SCOC: variants seen among roughly 807,000 people sequenced by gnomAD.
SCOC encodes the protein short coiled-coil protein, also known as short coiled coil protein.
A neutral mutation model predicts 9.9 loss-of-function variants in SCOC; 7 were observed. The ratio of observed to expected loss-of-function variants is 0.71; its 90% CI spans 0.40 to 1.33. The LOEUF (loss-of-function observed/expected upper bound fraction) is 1.33, where lower values mean the gene tolerates loss of function less well. Among genes scored for constraint, SCOC ranks in the 40% most tolerant of loss-of-function variants. SCOC has a pLI of 0.01. For synonymous variants in SCOC, 19 were observed against 28.2 expected (o/e 0.67, Z 1.03); for missense variants, 66 against 89.7 (o/e 0.74, Z 1.07).
chr4:140,374,098 G>T, intron 1 of SCOC: 1 of 475,290 alleles, frequency 2.1e-6, no homozygotes, highest in Non-Finnish European at 4.2e-6. Context: ...GGCACGCCTG[G>T]ACCTTCCCGT....
upstream of SCOC, among the ~76,000 whole-genome samples, chr4:140,368,669 T>C (rs1727906623): frequency 6.6e-6 from 1 of 152,042 alleles, no homozygotes; most frequent in Non-Finnish European, 1.5e-5. Flanking sequence ...GAAAAGTGGG[T>C]TGGAGAGGTA....
chr4:140,338,061 C>T (rs1216245979), intron 1 of SCOC, among the ~76,000 whole-genome samples: 1 of 152,166 alleles, frequency 6.6e-6, no homozygotes, highest in Non-Finnish European at 1.5e-5. Flanking sequence ...AAAATACTGC[C>T]AAACTGAATC....
At position 140,343,953 on chromosome 4, in the gene SCOC, T is replaced by C. The variant is rs200998389; in HGVS notation, c.70+245T>C. ...CTTTTTAAAATAAATAAAAACAAAA[T>C]ATTTCCTAAAAGTTCAGGAAACATG... On this transcript the variant is annotated intron_variant, in intron 2 of 4. Transcript: ENST00000338517. Among the ~76,000 whole-genome samples, 4 of 148,172 alleles carry C rather than the reference T, an allele frequency of 2.7e-5. No homozygotes were observed. The South Asian group carries it at 8.6e-4, about 32-fold the overall frequency.
intron 1 of SCOC, among the ~76,000 whole-genome samples, chr4:140,378,790 C>T (rs1163594025): frequency 1.3e-5 from 2 of 152,026 alleles, no homozygotes; most frequent in Non-Finnish European, 1.5e-5. Context: ...TATTATCATA[C>T]TGCTTTCCAA....
At chr4:140,380,911 G>T in intron 3 of SCOC, 51 bp from the exon 4 acceptor site, 2 of 1,306,094 alleles carry the variant, frequency 1.5e-6, no homozygotes, top group Non-Finnish European at 2.1e-6. Context: ...TTGTAATATG[G>T]AATCATTGTC....
At chr4:140,351,325 G>C (rs908069920) in intron 2 of SCOC, among the ~76,000 whole-genome samples, 1 of 152,144 alleles carries the variant, frequency 6.6e-6, no homozygotes, top group African/African-American at 2.4e-5. Flanking sequence ...AGGGGAGATG[G>C]ATATGAAGGA....
intron 2 of SCOC, among the ~76,000 whole-genome samples, chr4:140,364,038 A>G (rs914042185): frequency 6.6e-6 from 1 of 152,156 alleles, no homozygotes; most frequent in African/African-American, 2.4e-5. Flanking sequence ...CAGCTTAAGA[A>G]AGATTGTAAA....
chr4:140,274,635 C>T lies in SCOC; in HGVS notation c.-19+17225C>T, dbSNP rs1730935538. Among the ~76,000 whole-genome samples, 3 of 152,336 alleles carry T rather than the reference C, an allele frequency of 2.0e-5. No individual in the cohort carries two copies. In the South Asian group the frequency reaches 6.2e-4, roughly 32 times the overall value. On this transcript the variant is annotated intron_variant, in intron 1 of 4. Coordinates refer to the SCOC transcript ENST00000394205. ...AAGGGAGAACTGTATTTAATATTCC[C>T]TTCCATGCATGATAAAACTTCCTTG...
intron 1 of SCOC, among the ~76,000 whole-genome samples, chr4:140,333,891 C>T (rs1411967764): frequency 6.6e-6 from 1 of 152,050 alleles, no homozygotes; most frequent in Non-Finnish European, 1.5e-5. Flanking sequence ...TTTGTTTTTA[C>T]CAATTGCTGC....
chr4:140,347,064 G>A (rs894059169), intron 2 of SCOC, among the ~76,000 whole-genome samples: 1 of 152,214 alleles, frequency 6.6e-6, no homozygotes, highest in African/African-American at 2.4e-5. Flanking sequence ...GAAGGCTGGA[G>A]AAGTTATGCA....
intron 1 of SCOC, among the ~76,000 whole-genome samples, chr4:140,258,417 G>T (rs145248201): frequency 6.6e-6 from 1 of 152,022 alleles, no homozygotes. Context: ...TCCTATCTCC[G>T]TCAAACACTG....
chr4:140,334,918 A>G (rs1045660853), intron 1 of SCOC, among the ~76,000 whole-genome samples: 1 of 152,196 alleles, frequency 6.6e-6, no homozygotes, highest in African/African-American at 2.4e-5. Context: ...CCTGGGCAAC[A>G]TGACAAAACC....
chr4:140,275,066 G>A (rs917901909), intron 1 of SCOC, among the ~76,000 whole-genome samples: 2 of 152,176 alleles, frequency 1.3e-5, no homozygotes, highest in Non-Finnish European at 2.9e-5. Context: ...CACAGAACTG[G>A]ATAAAACGTA....
chr4:140,275,151 T>C (rs1730953949), intron 1 of SCOC, among the ~76,000 whole-genome samples: 2 of 152,216 alleles, frequency 1.3e-5, no homozygotes, highest in African/African-American at 2.4e-5. Context: ...CATATTACAT[T>C]TTTACTCCAG....
intron 2 of SCOC, among the ~76,000 whole-genome samples, chr4:140,352,628 A>G (rs1727029885): frequency 6.6e-6 from 1 of 152,246 alleles, no homozygotes; most frequent in Admixed American, 6.5e-5. Context: ...AGCATAAAGC[A>G]AAAACTAGTT....
intron 1 of SCOC, among the ~76,000 whole-genome samples, chr4:140,307,106 A>AG (rs1732014672): frequency 6.6e-6 from 1 of 152,204 alleles, no homozygotes; most frequent in Non-Finnish European, 1.5e-5. Flanking sequence ...TGCAGCAAGA[A>AG]GGGGCCATCT....
intron 2 of SCOC, among the ~76,000 whole-genome samples, chr4:140,362,217 C>T (rs1364293168): frequency 1.9e-5 from 2 of 106,348 alleles, no homozygotes; most frequent in African/African-American, 3.2e-5. Context: ...CTGGTAATTA[C>T]TAATTTTAAG....
chr4:140,290,796 T>C (rs963713214), intron 1 of SCOC, among the ~76,000 whole-genome samples: 4 of 152,062 alleles, frequency 2.6e-5, no homozygotes, highest in Non-Finnish European at 4.4e-5. Context: ...CTGGGAAACA[T>C]TGAGTGAGAC....
upstream of SCOC, among the ~76,000 whole-genome samples, chr4:140,339,958 C>T (rs1726437399): frequency 6.6e-6 from 1 of 152,116 alleles, no homozygotes; most frequent in South Asian, 2.1e-4. Context: ...TGGGTATATA[C>T]CCAAAGGATT....
Sources: gnomAD v4.1 joint callset for allele counts (sites outside exome capture counted in the v4.1 genomes callset) on GRCh38, gnomAD v4.1.1 for gene constraint, MANE v1.5 for transcripts, NCBI Gene and HGNC (gene_info 2026-07-23, HGNC 2026-07-21) for gene names.